Variants in AFG2A observed in about 807,000 individuals in gnomAD.
The protein encoded by AFG2A is ATPase family gene 2 protein homolog A.
chr4:123,098,715 A>T, the AFG2A span, among the ~76,000 whole-genome samples: 2 of 152,002 alleles, frequency 1.3e-5, no homozygotes, highest in Non-Finnish European at 2.9e-5. Flanking sequence ...ATAAAGGTTG[A>T]ATAGGATTAC....
the AFG2A span, among the ~76,000 whole-genome samples, chr4:122,966,296 CTATTG>C: frequency 3.9e-5 from 6 of 152,138 alleles, no homozygotes; most frequent in Non-Finnish European, 7.3e-5. Context: ...GTAAACTTAC[CTATTG>C]TTCTTTTCTC....
the AFG2A span, among the ~76,000 whole-genome samples, chr4:123,052,986 C>A: frequency 6.6e-6 from 1 of 152,146 alleles, no homozygotes; most frequent in African/African-American, 2.4e-5. Context: ...GCATCCAGCA[C>A]AGATGAAAGC....
At chr4:123,202,029 T>C in the AFG2A span, among the ~76,000 whole-genome samples, 8,696 of 152,320 alleles carry the variant, frequency 0.057, 551 homozygotes, top group African/African-American at 0.15. Flanking sequence ...GTAATAGGAC[T>C]GCTAATGCCT....
the AFG2A span, among the ~76,000 whole-genome samples, chr4:123,309,342 T>C: frequency 6.6e-6 from 1 of 152,190 alleles, no homozygotes; most frequent in Admixed American, 6.5e-5. Flanking sequence ...CTATTCCTCA[T>C]AGACATACCT....
chr4:123,165,074 T>TA, the AFG2A span, among the ~76,000 whole-genome samples: 1,609 of 149,368 alleles, frequency 0.011, 37 homozygotes, highest in African/African-American at 0.034. Flanking sequence ...GAGTGAACTG[T>TA]AAAAAAAAAA....
chr4:122,950,628 C>G, the AFG2A span, among the ~76,000 whole-genome samples: 2 of 152,378 alleles, frequency 1.3e-5, no homozygotes, highest in East Asian at 3.9e-4. Context: ...GCGTGAGCCA[C>G]TGTGTCTGGC....
At chr4:123,171,208 C>T in the AFG2A span, among the ~76,000 whole-genome samples, 1 of 152,100 alleles carries the variant, frequency 6.6e-6, no homozygotes, top group African/African-American at 2.4e-5. Flanking sequence ...ACAATTAAAG[C>T]AGTTAATGCT....
the AFG2A span, among the ~76,000 whole-genome samples, chr4:123,004,682 A>G: frequency 1.3e-5 from 2 of 152,176 alleles, no homozygotes; most frequent in African/African-American, 4.8e-5. Flanking sequence ...ATTGTTCTGT[A>G]GTTTTCTTAG....
At chr4:122,970,542 G>A in the AFG2A span, among the ~76,000 whole-genome samples, 11 of 147,092 alleles carry the variant, frequency 7.5e-5, no homozygotes, top group Admixed American at 7.5e-4. Flanking sequence ...CACGATCTTT[G>A]TAAATCTTTT....
At chr4:123,199,462 G>GTTTTT in the AFG2A span, among the ~76,000 whole-genome samples, 6 of 47,412 alleles carry the variant, frequency 1.3e-4, 1 homozygote, top group African/African-American at 3.1e-4. Context: ...ATACTCAGAG[G>GTTTTT]TTTTTTTTTT....
the AFG2A span, chr4:123,314,231 C>T: frequency 9.5e-4 from 433 of 458,078 alleles, 3 homozygotes; most frequent in African/African-American, 8.1e-3. Context: ...CATGTAAGTA[C>T]AGTGAAAATA....
the AFG2A span, among the ~76,000 whole-genome samples, chr4:123,147,292 G>A: frequency 6.6e-6 from 1 of 152,032 alleles, no homozygotes; most frequent in Non-Finnish European, 1.5e-5. Context: ...TGTGATGGGG[G>A]TGGAAGTTTC....
At chr4:123,179,381 C>T in the AFG2A span, among the ~76,000 whole-genome samples, 1 of 152,124 alleles carries the variant, frequency 6.6e-6, no homozygotes, top group Non-Finnish European at 1.5e-5. Context: ...CACTGTGGCA[C>T]CCAGGCTGGA....
the AFG2A span, among the ~76,000 whole-genome samples, chr4:122,949,853 G>A: frequency 2.7e-4 from 41 of 152,330 alleles, no homozygotes; most frequent in East Asian, 3.1e-3. Flanking sequence ...ACAGTGGAGA[G>A]TATGGTATGA....
At chr4:123,199,717 G>T in the AFG2A span, among the ~76,000 whole-genome samples, 1 of 151,878 alleles carries the variant, frequency 6.6e-6, no homozygotes, top group Non-Finnish European at 1.5e-5. Context: ...TGGTCTGCCC[G>T]CCTCAGGCTC....
the AFG2A span, among the ~76,000 whole-genome samples, chr4:122,939,631 GA>G: frequency 4.7e-5 from 7 of 149,084 alleles, no homozygotes; most frequent in African/African-American, 1.5e-4. Flanking sequence ...TGGTCATTTA[GA>G]ATTTTTTTTT....
At chr4:123,006,061 A>T in the AFG2A span, among the ~76,000 whole-genome samples, 3 of 149,780 alleles carry the variant, frequency 2.0e-5, no homozygotes, top group Non-Finnish European at 3.0e-5. Context: ...TGCTTACTTT[A>T]ACATTTCCTA....
the AFG2A span, among the ~76,000 whole-genome samples, chr4:123,179,110 A>G: frequency 2.0e-5 from 3 of 152,214 alleles, no homozygotes; most frequent in Non-Finnish European, 4.4e-5. Context: ...GCATAGTAAG[A>G]AGCCGAAAAG....
chr4:123,121,248 TAA>T, the AFG2A span, among the ~76,000 whole-genome samples: 3 of 71,548 alleles, frequency 4.2e-5, no homozygotes, highest in Non-Finnish European at 1.2e-4. Context: ...AGTCAAAAAG[TAA>T]AAAAAAAAAA....
Sources: allele counts gnomAD v4.1 joint callset (sites outside exome capture counted in the v4.1 genomes callset), GRCh38; gene constraint gnomAD v4.1.1; transcripts MANE v1.5; gene names NCBI Gene and HGNC (gene_info 2026-07-23, HGNC 2026-07-21).